The following AGBL3 variants were observed in gnomAD, a reference collection of about 807,000 sequenced individuals.
AGBL3 encodes AGBL carboxypeptidase 3.
In AGBL3, 68 loss-of-function variants were observed where a neutral mutation model predicts 94.5. The ratio of observed to expected loss-of-function variants is 0.72; its 90% confidence interval spans 0.59 to 0.88. The LOEUF is 0.88. AGBL3 is among the 40% of genes least tolerant of loss of function. AGBL3 has a pLI of 0.00. For synonymous variants in AGBL3, 354 were observed against 370.7 expected (o/e 0.95, Z 0.52); for missense variants, 934 against 1,103.8 (o/e 0.85, Z 2.18).
Position 135,044,133 on chromosome 7 carries a change from T to A in AGBL3, c.1609T>A (p.Phe537Ile). The A allele has an allele frequency of 6.5e-7, 1 of 1,550,284 alleles. No individual in the cohort carries two copies. Among genetic ancestry groups the A allele is most frequent in the Non-Finnish European group, 8.7e-7 (1 of 1,145,994 alleles). The change falls in exon 9 of 17, where the codon TTC becomes ATC. Residue 537 changes from phenylalanine to isoleucine, a missense_variant. Transcript: ENST00000436302. Reference sequence around the variant, plus strand: ...GAACAGCTTTACCATGGAGGCCACCTTCTGTGGATCTACTCTGGGTAAGAC... The same window carrying A: ...GAACAGCTTTACCATGGAGGCCACCATCTGTGGATCTACTCTGGGTAAGAC... ...IRNSFTMEAT[F>I]CGSTLGNKRG...
intron 6 of AGBL3, 48 bp from the exon 7 acceptor site, chr7:135,034,101 A>G: frequency 7.6e-7 from 1 of 1,319,634 alleles, no homozygotes; most frequent in African/African-American, 1.5e-5. Context: ...ACAAAATGTC[A>G]TTTTTACATT....
chr7:134,999,833 C>G (rs766404061), intron 4 of AGBL3, among the ~76,000 whole-genome samples: 1 of 152,238 alleles, frequency 6.6e-6, no homozygotes, highest in Non-Finnish European at 1.5e-5. Context: ...ATTGTTCTTA[C>G]CTTCCTCAAT....
chr7:135,008,306 T>C (rs1812659515), intron 4 of AGBL3, among the ~76,000 whole-genome samples: 1 of 152,164 alleles, frequency 6.6e-6, no homozygotes, highest in African/African-American at 2.4e-5. Flanking sequence ...GTGAATTACA[T>C]TGGAAGTCCA....
chr7:135,020,186 A>C lies in AGBL3; in HGVS notation c.418+3027A>C, dbSNP rs959135458. On this transcript the variant is annotated intron_variant, in intron 5 of 16. Coordinates refer to ENST00000436302, the MANE Select transcript of AGBL3 (RefSeq NM_178563.4). ...CATCGGACAAACAGCTAATATCCAG[A>C]ATCTACAAAGAACTCAAACAAATTT... 2.0e-5 allele frequency among the ~76,000 whole-genome samples: 3 copies of C among 148,708 alleles called. No individual in the cohort carries two copies. In the South Asian group the frequency reaches 6.7e-4, roughly 33 times the overall value.
intron 12 of AGBL3, among the ~76,000 whole-genome samples, chr7:135,061,524 C>A (rs2116704310): frequency 6.6e-6 from 1 of 152,190 alleles, no homozygotes; most frequent in South Asian, 2.1e-4. Flanking sequence ...AGTTTCAAGT[C>A]TTACATTTAA....
chr7:135,068,954 G>T (rs939550850), intron 12 of AGBL3, among the ~76,000 whole-genome samples: 2 of 152,150 alleles, frequency 1.3e-5, no homozygotes, highest in Admixed American at 6.6e-5. Flanking sequence ...AAAGGGTCAA[G>T]ACCCATCAGT....
rs1815915177 is a variant in AGBL3, at chr7:135,032,869, T to C, written c.444T>C (p.Tyr148=). The C allele has an allele frequency of 6.5e-7, 1 of 1,550,370 alleles. No individual in the cohort carries two copies. Among genetic ancestry groups the C allele is most frequent in the Non-Finnish European group, 8.7e-7 (1 of 1,146,514 alleles). Residue 148 remains tyrosine, a synonymous_variant, in exon 6 of 17, where the codon TAT becomes TAC. Coordinates refer to ENST00000436302, the MANE Select transcript of AGBL3 (RefSeq NM_178563.4). ...EDAYKEPCFV[Y]SRVGGNRTPL... is the part of the protein sequence containing the mutation. ...CTTACAAAGAGCCCTGTTTTGTGTA[T>C]TCCCGAGTTGGGGGTAACCGAACAC...
At chr7:135,123,688 G>A (rs1007186628) in intron 16 of AGBL3, among the ~76,000 whole-genome samples, 3 of 152,006 alleles carry the variant, frequency 2.0e-5, no homozygotes, top group African/African-American at 2.4e-5. Context: ...GACTAACAGC[G>A]GCCCTCTCAG....
chr7:134,986,937 C>G (rs1387309421), intron 1 of AGBL3, among the ~76,000 whole-genome samples: 2 of 152,250 alleles, frequency 1.3e-5, no homozygotes, highest in Non-Finnish European at 2.9e-5. Context: ...CGCGGAGCGC[C>G]GGTGGATAAG....
chr7:135,108,494 G>A (rs1341693044), intron 15 of AGBL3, among the ~76,000 whole-genome samples: 1 of 152,048 alleles, frequency 6.6e-6, no homozygotes. Flanking sequence ...TGGAATTCTG[G>A]GTTCAAAATT....
At chr7:135,059,258 A>G in intron 12 of AGBL3, 23 bp downstream of exon 12, 3 of 1,525,290 alleles carry the variant, frequency 2.0e-6, no homozygotes, top group Non-Finnish European at 2.7e-6. Context: ...ATTTTTGCTT[A>G]TATGTGGATA....
intron 16 of AGBL3, chr7:135,128,434 G>GA (rs1828259206): frequency 2.9e-6 from 2 of 687,766 alleles, no homozygotes; most frequent in East Asian, 5.4e-5. Context: ...TTGTTCCTCA[G>GA]AAAATTAAAT....
intron 4 of AGBL3, among the ~76,000 whole-genome samples, chr7:135,002,010 C>T (rs948760187): frequency 6.6e-6 from 1 of 152,154 alleles, no homozygotes; most frequent in Non-Finnish European, 1.5e-5. Flanking sequence ...GGCCCAGTGG[C>T]CAAACAGAAT....
chr7:135,024,397 C>T (rs1814858023), intron 5 of AGBL3, among the ~76,000 whole-genome samples: 1 of 152,224 alleles, frequency 6.6e-6, no homozygotes, highest in Admixed American at 6.5e-5. Flanking sequence ...GCCCAATATA[C>T]ATTCATTGCC....
intron 3 of AGBL3, among the ~76,000 whole-genome samples, chr7:134,992,776 G>C (rs2718159): frequency 0.068 from 10,398 of 152,246 alleles, 1,147 homozygotes; most frequent in African/African-American, 0.23. Context: ...TGTATCAGCT[G>C]TTGTACAAAA....
At chr7:135,080,833 T>C (rs1027187955) in intron 14 of AGBL3, among the ~76,000 whole-genome samples, 2 of 150,830 alleles carry the variant, frequency 1.3e-5, no homozygotes, top group African/African-American at 2.4e-5. Flanking sequence ...AATATTTTGA[T>C]TTTATCTAAA....
intron 16 of AGBL3, among the ~76,000 whole-genome samples, chr7:135,130,669 T>G (rs1316049884): frequency 6.6e-6 from 1 of 152,160 alleles, no homozygotes; most frequent in Non-Finnish European, 1.5e-5. Context: ...TTGAATTATC[T>G]GCATTTACCA....
chr7:135,095,134 G>A (rs1822469123), intron 15 of AGBL3, among the ~76,000 whole-genome samples: 1 of 152,100 alleles, frequency 6.6e-6, no homozygotes, highest in Admixed American at 6.6e-5. Context: ...TTCGGGGAGG[G>A]ATATTTCTGC....
intron 15 of AGBL3, among the ~76,000 whole-genome samples, chr7:135,087,266 A>G (rs1171070650): frequency 6.6e-6 from 1 of 150,518 alleles, no homozygotes; most frequent in Non-Finnish European, 1.5e-5. Flanking sequence ...TGTTGATTTT[A>G]TCTTTCAAAA....
Sources: allele counts gnomAD v4.1 joint callset (sites outside exome capture counted in the v4.1 genomes callset), GRCh38; gene constraint gnomAD v4.1.1; transcripts MANE v1.5; gene names NCBI Gene and HGNC (gene_info 2026-07-23, HGNC 2026-07-21).